LYSMD4: variants seen among roughly 807,000 people sequenced by gnomAD.
LYSMD4 encodes the protein lysM and putative peptidoglycan-binding domain-containing protein 4.
LYSMD4 carries 9 observed loss-of-function variants against 6.1 expected under a neutral mutation model. That is an observed-to-expected ratio of 1.47 (90% CI 0.88 to 2.56). LYSMD4 has a LOEUF of 2.56. LYSMD4 is among the 30% of genes most tolerant of loss of function. The pLI is 0.00. For synonymous variants in LYSMD4, 143 were observed against 148.5 expected, an observed-to-expected ratio of 0.96 and a Z score of 0.27; for missense variants, 384 against 373.5, an observed-to-expected ratio of 1.03 and a Z score of -0.23.
In LYSMD4 at chr15:99,728,982, T is replaced by C. The variant is rs1173136675; in HGVS notation, c.*141A>G. On this transcript the variant is annotated 3_prime_UTR_variant, in exon 3 of 3. Transcript: ENST00000684762. ...AAGGCCATGCCCAGGGCCAGTGCAA[T>C]TGGGAATACTGCAGTGACTTCTGAA... The C allele has an allele frequency of 2.4e-5, 28 of 1,186,956 alleles. No homozygotes were observed. Among genetic ancestry groups the C allele is most frequent in the South Asian group, 5.7e-5 (4 of 70,398 alleles). 73.5% of individuals were successfully genotyped at this position (1,186,956 alleles called of 1,614,324 possible). A position where few individuals can be genotyped will look rare whatever the true frequency, so the allele number is the denominator to read the frequency against.
chr15:99,725,981 G>A (rs2059276625), downstream of LYSMD4, among the ~76,000 whole-genome samples: 1 of 152,010 alleles, frequency 6.6e-6, no homozygotes, highest in Admixed American at 6.6e-5. Context: ...GGTAAAGTGG[G>A]TGAGCATATA....
At chr15:99,732,969 T>G in intron 1 of LYSMD4, 1 of 178,744 alleles carries the variant, frequency 5.6e-6, no homozygotes, top group East Asian at 1.4e-4. Context: ...GGGCCAGCCT[T>G]CGCGTCCGAG....
downstream of LYSMD4, among the ~76,000 whole-genome samples, chr15:99,724,739 G>C (rs992584068): frequency 6.6e-6 from 1 of 152,226 alleles, no homozygotes; most frequent in African/African-American, 2.4e-5. Flanking sequence ...CAACAACCCA[G>C]TGTTTTCCAA....
Position 99,729,078 on chromosome 15 carries a change from C to A in LYSMD4, c.*45G>T. The A allele has an allele frequency of 6.2e-7, 1 of 1,601,260 alleles. No homozygotes were observed. The highest frequency in any genetic ancestry group is 1.1e-5 in the South Asian group (1 of 89,878). ...ATCGCCAGTGACAGCTGAGGCACAT[C>A]AACAGCCAATTGCTAAAGCTGGGCC... On this transcript the variant is annotated 3_prime_UTR_variant, in exon 3 of 3. Transcript: ENST00000684762.
intron 1 of LYSMD4, among the ~76,000 whole-genome samples, chr15:99,732,573 A>G (rs1234884634): frequency 6.6e-6 from 1 of 152,234 alleles, no homozygotes; most frequent in Admixed American, 6.5e-5. Context: ...TGTCAGCCGG[A>G]GAAAAGCGTC....
chr15:99,733,151 G>A (rs1032414095), intron 1 of LYSMD4, 194 bp downstream of exon 1: 2 of 372,070 alleles, frequency 5.4e-6, no homozygotes, highest in Non-Finnish European at 9.6e-6. Flanking sequence ...TCTGACCTCT[G>A]ACCCCCAACC....
chr15:99,723,312 G>A (rs567079628), downstream of LYSMD4, among the ~76,000 whole-genome samples: 1 of 152,280 alleles, frequency 6.6e-6, no homozygotes, highest in South Asian at 2.1e-4. Flanking sequence ...GCCACACCGA[G>A]GCCCCTCAGA....
rs1320151239 is a variant in LYSMD4 at position 99,733,384 on chromosome 15, TCGCGACC to T, written c.-55_-49del. 590 of 395,350 alleles carry T rather than the reference TCGCGACC, an allele frequency of 1.5e-3. 3 individuals are homozygous for T. The highest frequency in any genetic ancestry group is 1.9e-3 in the Non-Finnish European group (433 of 224,008). 24.5% of individuals were successfully genotyped at this position (395,350 alleles called of 1,614,324 possible). A position where few individuals can be genotyped will look rare whatever the true frequency, so the allele number is the denominator to read the frequency against. ...TCCGCCGCGACCGGCGACCGGCGAC[TCGCGACC>T]CGCGACCCGCGACCCGCAGCTGCCA... On this transcript the variant is annotated 5_prime_UTR_variant, in exon 1 of 3. Transcript: ENST00000684762.
chr15:99,730,033 G>A (rs1361178263), intron 2 of LYSMD4, among the ~76,000 whole-genome samples: 2 of 152,216 alleles, frequency 1.3e-5, no homozygotes, highest in Admixed American at 1.3e-4. Flanking sequence ...AAGTGTGACT[G>A]CAACAAATCG....
upstream of LYSMD4, chr15:99,720,839 G>C (rs2059232359): frequency 6.6e-6 from 1 of 152,150 alleles, no homozygotes; most frequent in African/African-American, 2.4e-5. Context: ...GGACCTTGGT[G>C]CCCTTATCTA....
In LYSMD4 at chr15:99,728,551, T is replaced by C. The variant is rs144817094; in HGVS notation, c.*572A>G. On this transcript the variant is annotated 3_prime_UTR_variant, in exon 3 of 3. Coordinates refer to ENST00000684762, the MANE Select transcript of LYSMD4 (RefSeq NM_001284417.2). The stretch of plus-strand genomic sequence containing the variant: ...TCCAGGGCTTTTTCAACTCTAGAAA[T>C]GGCATTGCCTCAAAAAGGCTAACTG... The C allele has an allele frequency of 1.4e-4, 23 of 162,460 alleles. No homozygotes were observed. The highest frequency in any genetic ancestry group is 2.8e-4 in the Non-Finnish European group (20 of 72,648). 10.1% of individuals were successfully genotyped at this position (162,460 alleles called of 1,614,324 possible).
chr15:99,726,892 T>C (rs6598261), downstream of LYSMD4, among the ~76,000 whole-genome samples: 142,268 of 152,200 alleles, frequency 0.93, 66,976 homozygotes, highest in Non-Finnish European at 0.99. Context: ...GATCAATCAG[T>C]GATCAATCAT....
rs1170116141 is a variant in LYSMD4 at position 99,731,877 on chromosome 15, T to C, written c.123A>G (p.Glu41=). The C allele has an allele frequency of 1.9e-6, 3 of 1,613,476 alleles. No individual in the cohort carries two copies. Among genetic ancestry groups the C allele is most frequent in the South Asian group, 1.1e-5 (1 of 91,082 alleles). The change falls in exon 2 of 3, where the codon GAA becomes GAG. Residue 41 remains glutamate, a synonymous_variant. Coordinates refer to ENST00000684762, the MANE Select transcript of LYSMD4 (RefSeq NM_001284417.2). ...GSGDSGDSSE[E]ESHRVVLRPR... is the part of the protein sequence containing the mutation. ...GCCGCAAAACCACACGGTGAGACTC[T>C]TCTTCAGAAGAGTCCCCCGAGTCCC...
chr15:99,716,953 A>G (rs1346932136), exon 1 of LYSMD4: 3 of 309,136 alleles, frequency 9.7e-6, no homozygotes, highest in African/African-American at 6.5e-5. Flanking sequence ...AGCTAGATGC[A>G]GCAGAAGACA....
upstream of LYSMD4, among the ~76,000 whole-genome samples, chr15:99,718,909 GCACACACACACA>G (rs57143734): frequency 4.3e-4 from 64 of 150,564 alleles, no homozygotes; most frequent in Middle Eastern, 3.5e-3. Flanking sequence ...GTAGTTATGC[GCACACACACACA>G]CACACACACA....
Position 99,729,566 on chromosome 15 carries a change from G to C in LYSMD4, c.448C>G (p.Pro150Ala). ...CCCGCGCCTGCTCTGTCTGCCTCTG[G>C]CAGTTCCACGGTCACTGTGGTCTCG... ...SSETTVTVELPEADRAGAGTG... is the reference protein window; with the variant it reads ...SSETTVTVELAEADRAGAGTG... Residue 150 changes from proline (P) to alanine (A), a missense_variant, in exon 3 of 3, where the codon CCA (proline) becomes GCA (alanine). Transcript: ENST00000684762. 11 of 1,614,130 alleles carry C rather than the reference G, an allele frequency of 6.8e-6. No homozygotes were observed. The highest frequency in any genetic ancestry group is 9.3e-6 in the Non-Finnish European group (11 of 1,180,034).
Position 99,729,523 on chromosome 15 carries a change from C to A in LYSMD4, c.491G>T (p.Gly164Val), listed in dbSNP as rs1179449148. The part of the protein sequence containing the change: ...RAGAGTGAQA[G>V]QLMGFFKGID... ...CCCCTTAAAGAAGCCCATCAGTTGG[C>A]CGGCCTGGGCACCGGTGCCCGCGCC... Residue 164 changes from glycine to valine, a missense_variant, in exon 3 of 3, where the codon GGC becomes GTC. Coordinates refer to ENST00000684762, the MANE Select transcript of LYSMD4 (RefSeq NM_001284417.2). 1 of 1,614,024 alleles carries A rather than the reference C, an allele frequency of 6.2e-7. No individual in the cohort carries two copies. Among genetic ancestry groups the A allele is most frequent in the African/African-American group, 1.3e-5 (1 of 74,926 alleles).
chr15:99,730,984 C>A (rs1225541374), intron 2 of LYSMD4, among the ~76,000 whole-genome samples: 2 of 152,158 alleles, frequency 1.3e-5, no homozygotes, highest in African/African-American at 2.4e-5. Context: ...CCGCAACACC[C>A]CACACAACAT....
rs938276944 is a variant in LYSMD4 at position 99,728,043 on chromosome 15, C to T, written c.*1080G>A. 3 of 152,366 alleles carry T rather than the reference C, an allele frequency of 2.0e-5. No individual in the cohort carries two copies. The highest frequency in any genetic ancestry group is 6.5e-5 in the Admixed American group (1 of 15,286). 9.4% of individuals were successfully genotyped at this position (152,366 alleles called of 1,614,324 possible). A position where few individuals can be genotyped will look rare whatever the true frequency, so the allele number is the denominator to read the frequency against. On this transcript the variant is annotated 3_prime_UTR_variant, in exon 3 of 3. Transcript: ENST00000684762. ...CCCTTCCTCCCTCAGGTGTTCTGAT[C>T]GCCTTTTACAACAAGGGTCGCCTCT...
Sources: gnomAD v4.1 joint callset for allele counts (sites outside exome capture counted in the v4.1 genomes callset) on GRCh38, gnomAD v4.1.1 for gene constraint, MANE v1.5 for transcripts, NCBI Gene and HGNC (gene_info 2026-07-23, HGNC 2026-07-21) for gene names.